The following CR1 variants were observed in gnomAD, a reference collection of about 807,000 sequenced individuals.
The protein encoded by CR1 is complement C3b/C4b receptor 1 (Knops blood group).
CR1 carries 116 observed loss-of-function variants against 187.3 expected under a neutral mutation model. The observed-to-expected ratio is 0.62, with a 90% CI of 0.53 to 0.72. The LOEUF is 0.72. Ranked by LOEUF, CR1 falls within the 30% of genes least tolerant of loss-of-function variation. The pLI is 0.00. For missense variants in CR1, 1,731 were observed against 2,110.7 expected, an observed-to-expected ratio of 0.82 and a Z score of 3.52; for synonymous variants, 576 against 747.1, an observed-to-expected ratio of 0.77 and a Z score of 3.73.
At chr1:207,617,597 A>G (rs1341787143) in intron 41 of CR1, among the ~76,000 whole-genome samples, 2 of 33,508 alleles carry the variant, frequency 6.0e-5, no homozygotes, top group South Asian at 1.5e-3. Context: ...ATATATATAT[A>G]TATATATATA....
In CR1 at chr1:207,617,577, GTATA is replaced by G. The variant is rs747792167; in HGVS notation, c.6890-461_6890-458del. ...TATATGTGTATATATATGTGTGTGT[GTATA>G]TATATATATATATATATATATATAT... On this transcript the variant is annotated intron_variant, in intron 41 of 46. Transcript: ENST00000367049. 6.9e-3 allele frequency among the ~76,000 whole-genome samples: 323 copies of G among 47,102 alleles called. 4 individuals carry two copies. Among genetic ancestry groups the G allele is most frequent in the Non-Finnish European group, 9.7e-3 (240 of 24,700 alleles). 30.9% of individuals were successfully genotyped at this position (47,102 alleles called of 152,430 possible).
rs369201560 is a variant in CR1 at position 207,587,383 on chromosome 1, C to T, written c.5531-3C>T. The stretch of plus-strand genomic sequence containing the variant: ...TTGATATTCCTGTGGTTTTTCTCTC[C>T]AGGTCACTGTAAAACCCCAGAGCAG... On this transcript the variant is annotated splice_polypyrimidine_tract_variant and splice_region_variant and intron_variant, in intron 33 of 46. Transcript: ENST00000367049. 6.2e-7 allele frequency: 1 copy of T among 1,608,528 alleles called. No homozygotes were observed. The highest frequency in any genetic ancestry group is 8.5e-7 in the Non-Finnish European group (1 of 1,177,202).
intron 29 of CR1, among the ~76,000 whole-genome samples, chr1:207,579,882 C>T (rs529654205): frequency 4.1e-4 from 63 of 152,214 alleles, no homozygotes; most frequent in African/African-American, 1.4e-3. Context: ...ATGCCTGTCC[C>T]GAAACAGTAT....
intron 35 of CR1, chr1:207,600,984 C>T (rs1057050461): frequency 1.3e-5 from 2 of 151,920 alleles, no homozygotes; most frequent in African/African-American, 4.8e-5. Flanking sequence ...CTTTTTGTTA[C>T]TTGACAGGAA....
intron 46 of CR1, among the ~76,000 whole-genome samples, chr1:207,638,448 A>T (rs1662881722): frequency 6.6e-6 from 1 of 152,030 alleles, no homozygotes; most frequent in African/African-American, 2.4e-5. Flanking sequence ...GTTTAGGCCA[A>T]TTTTTGGCCA....
At chr1:207,521,018 G>T (rs1364960421) in intron 4 of CR1, among the ~76,000 whole-genome samples, 1 of 125,448 alleles carries the variant, frequency 8.0e-6, no homozygotes, top group East Asian at 2.6e-4. Flanking sequence ...CTTATCACCT[G>T]GGCTGGAGTG....
At chr1:207,509,667 T>C (rs1659555814) in intron 3 of CR1, among the ~76,000 whole-genome samples, 1 of 152,170 alleles carries the variant, frequency 6.6e-6, no homozygotes, top group Non-Finnish European at 1.5e-5. Flanking sequence ...TGAACTTGCT[T>C]CACCATTCCT....
chr1:207,601,600 A>T (rs186346558), intron 35 of CR1, among the ~76,000 whole-genome samples: 54 of 152,298 alleles, frequency 3.5e-4, no homozygotes, highest in Admixed American at 1.2e-3. Context: ...GGTTTAAAAA[A>T]AATTATTATT....
intron 25 of CR1, 91 bp downstream of exon 25, chr1:207,568,133 G>A: frequency 6.2e-7 from 1 of 1,604,680 alleles, no homozygotes; most frequent in South Asian, 1.1e-5. Context: ...GTATTTATTT[G>A]TATGTATGCA....
At chr1:207,578,755 C>T (rs563400083) in intron 29 of CR1, among the ~76,000 whole-genome samples, 1 of 152,350 alleles carries the variant, frequency 6.6e-6, no homozygotes, top group South Asian at 2.1e-4. Context: ...GTATCCATTG[C>T]TGAAAGAAAG....
intron 25 of CR1, 67 bp downstream of exon 25, chr1:207,568,109 A>T: frequency 6.2e-7 from 1 of 1,610,058 alleles, no homozygotes; most frequent in South Asian, 1.1e-5. Context: ...CCATATTTCC[A>T]TAATTACAGT....
In CR1 at chr1:207,523,838, A is replaced by G. The variant is rs1439694054; in HGVS notation, c.715A>G (p.Thr239Ala). The change falls in exon 5 of 47, where the codon ACG becomes GCG. Residue 239 changes from threonine to alanine, a missense_variant. Thr to Ala is a moderately conservative substitution (Grantham distance 58, BLOSUM62 0). This residue lies in a region of CR1 where 131 missense variants were observed against 196.8 expected (regional missense o/e 0.67). Coordinates refer to ENST00000367049, the MANE Select transcript of CR1 (RefSeq NM_000651.6). The part of the protein sequence containing the change: ...APQCIIPNKC[T>A]PPNVENGILV... Reference sequence around the variant, plus strand: ...TCAGTGCATTATACCTAACAAATGCACGCCTCCAAATGTGGAAAATGGAAT... The same window carrying G: ...TCAGTGCATTATACCTAACAAATGCGCGCCTCCAAATGTGGAAAATGGAAT... The G allele has an allele frequency of 1.4e-5, 22 of 1,611,368 alleles. No homozygotes were observed. Among genetic ancestry groups the G allele is most frequent in the Non-Finnish European group, 1.7e-5 (20 of 1,179,390 alleles).
In CR1 at chr1:207,580,432, G is replaced by T; in HGVS notation, c.5113+16G>T. 1 of 1,611,356 alleles carries T rather than the reference G, an allele frequency of 6.2e-7. No individual in the cohort carries two copies. Among genetic ancestry groups the T allele is most frequent in the Non-Finnish European group, 8.5e-7 (1 of 1,179,002 alleles). ...AGATGTGCAGGTGCCTCAACTCTCTGGCTTCCAGATTTCTCTCTTTACCCC... is the reference window on the plus strand; with the variant it reads ...AGATGTGCAGGTGCCTCAACTCTCTTGCTTCCAGATTTCTCTCTTTACCCC... On this transcript the variant is annotated intron_variant, in intron 30 of 46. Transcript: ENST00000367049.
chr1:207,611,035 TC>T (rs1041132560), intron 37 of CR1, among the ~76,000 whole-genome samples: 8 of 152,218 alleles, frequency 5.3e-5, no homozygotes, highest in African/African-American at 1.9e-4. Context: ...ATTCATTCTT[TC>T]TTTTTTTTTT....
intron 3 of CR1, among the ~76,000 whole-genome samples, chr1:207,508,978 C>G (rs879906220): frequency 1.3e-5 from 2 of 152,308 alleles, no homozygotes; most frequent in Non-Finnish European, 2.9e-5. Flanking sequence ...TTGGTCTCTT[C>G]CAGGTGGCTA....
rs899715184 is a variant in CR1 at position 207,609,402 on chromosome 1, T to G, written c.6009T>G (p.Asp2003Glu). The change falls in exon 37 of 47, where the codon GAT becomes GAG. Residue 2003 changes from aspartate (D) to glutamate (E), a missense_variant. Asp to Glu is a conservative substitution (Grantham distance 45). This residue lies in a region of CR1 where 1,312 missense variants were observed against 1,379.6 expected (regional missense o/e 0.95). Coordinates refer to ENST00000367049, the MANE Select transcript of CR1 (RefSeq NM_000651.6). ...CTTACCAGTGCCACACTGGACCAGA[T>G]GGAGAACAGCTGTTTGAGCTTGTGG... ...VVTYQCHTGP[D>E]GEQLFELVGE... 43 of 1,613,844 alleles carry G rather than the reference T, an allele frequency of 2.7e-5. No individual in the cohort carries two copies. The highest frequency in any genetic ancestry group is 3.6e-5 in the Non-Finnish European group (42 of 1,179,890).
Position 207,588,793 on chromosome 1 carries a change from C to G in CR1, c.5810+19C>G. 1 of 1,533,748 alleles carries G rather than the reference C, an allele frequency of 6.5e-7. No individual in the cohort carries two copies. The highest frequency in any genetic ancestry group is 9.0e-7 in the Non-Finnish European group (1 of 1,115,390). On this transcript the variant is annotated intron_variant, in intron 35 of 46. Transcript: ENST00000367049. ...ATGAAGGGTGAGTTGAGAATACCAT[C>G]TCTTGAATATGAGTTCCAGAACAGC...
rs367801558 is a variant in CR1 at position 207,575,637 on chromosome 1, A to G, written c.4494A>G (p.Ser1498=). 783 of 1,611,786 alleles carry G rather than the reference A, an allele frequency of 4.9e-4. 9 individuals carry two copies. The African/African-American group carries it at 7.3e-3, about 15-fold the overall frequency. The part of the protein sequence containing the change: ...IGHSSAECIL[S]GNTAHWSTKP... ...ACTCATCTGCTGAATGTATCCTCTC[A>G]GGCAATACTGCCCATTGGAGCACGA... is the stretch of plus-strand genomic sequence containing the variant. Residue 1498 remains serine, a synonymous_variant, in exon 28 of 47, where the codon TCA becomes TCG. Transcript: ENST00000367049.
At chr1:207,617,495 A>ATATG (rs1337426632) in intron 41 of CR1, among the ~76,000 whole-genome samples, 3 of 56,430 alleles carry the variant, frequency 5.3e-5, no homozygotes, top group Admixed American at 4.9e-4. Flanking sequence ...ATATATATAT[A>ATATG]TATATATATA....
Sources: gnomAD v4.1 joint callset for allele counts (sites outside exome capture counted in the v4.1 genomes callset) on GRCh38, gnomAD v4.1.1 for gene constraint, gnomAD v4.1.1 regional missense constraint, MANE v1.5 for transcripts, NCBI Gene and HGNC (gene_info 2026-07-23, HGNC 2026-07-21) for gene names.